The following GRAMD2B variants were observed in gnomAD, a reference collection of about 807,000 sequenced individuals.
GRAMD2B encodes the protein GRAM domain-containing protein 2B.
GRAMD2B carries 41 observed loss-of-function variants against 59.2 expected under a neutral mutation model. The observed-to-expected ratio is 0.69, with a 90% CI of 0.54 to 0.90. GRAMD2B has a LOEUF of 0.90. Among genes scored for constraint, GRAMD2B ranks in the 40% least tolerant of loss-of-function variants. GRAMD2B has a pLI of 0.00. For missense variants in GRAMD2B, 424 were observed against 500.5 expected (o/e 0.85, Z 1.46); for synonymous variants, 161 against 182.7 (o/e 0.88, Z 0.96).
At chr5:126,430,464 G>A (rs1663115027) in intron 1 of GRAMD2B, among the ~76,000 whole-genome samples, 1 of 152,028 alleles carries the variant, frequency 6.6e-6, no homozygotes, top group African/African-American at 2.4e-5. Context: ...CCCAGTTTAA[G>A]AACATTTTCA....
rs760570245 is a variant in GRAMD2B, at chr5:126,477,832, C to A, written c.582+45C>A. On this transcript the variant is annotated intron_variant, in intron 6 of 13. Transcript: ENST00000285689. ...AGGGCATCTTTGCTTTGTCCTCCTG[C>A]TCTGGGCTCTGCTGCCTAAGGGGTC... 9.8e-6 allele frequency: 11 copies of A among 1,127,314 alleles called. No homozygotes were observed. The South Asian group carries it at 1.1e-4, about 11-fold the overall frequency. The allele number at this position is 1,127,314 out of a possible 1,614,324, so 69.8% of individuals were successfully genotyped here.
intron 1 of GRAMD2B, among the ~76,000 whole-genome samples, chr5:126,454,580 T>G (rs1386598818): frequency 6.6e-6 from 1 of 152,210 alleles, no homozygotes; most frequent in African/African-American, 2.4e-5. Flanking sequence ...GACATAATAT[T>G]TTAGGAAAAC....
At chr5:126,459,025 T>G (rs1016539484) in intron 1 of GRAMD2B, 1 of 152,220 alleles carries the variant, frequency 6.6e-6, no homozygotes, top group Non-Finnish European at 1.5e-5. Flanking sequence ...TTCCCTCCAT[T>G]ATTGTAGCAG....
chr5:126,464,508 C>G (rs1767947010), intron 1 of GRAMD2B, among the ~76,000 whole-genome samples: 1 of 152,208 alleles, frequency 6.6e-6, no homozygotes, highest in South Asian at 2.1e-4. Flanking sequence ...AGGGAACTCA[C>G]CTCTGCATCC....
chr5:126,460,063 T>A (rs1277763725), intron 1 of GRAMD2B, among the ~76,000 whole-genome samples: 1 of 152,208 alleles, frequency 6.6e-6, no homozygotes, highest in Non-Finnish European at 1.5e-5. Flanking sequence ...CCTTACGATG[T>A]AACTTTATGC....
intron 1 of GRAMD2B, among the ~76,000 whole-genome samples, chr5:126,443,309 G>C (rs189960218): frequency 9.8e-5 from 15 of 152,300 alleles, no homozygotes; most frequent in African/African-American, 3.6e-4. Flanking sequence ...CTAGTTTATG[G>C]AATTCACAGA....
chr5:126,472,096 C>T, intron 3 of GRAMD2B, 142 bp from the exon 4 acceptor site: 1 of 626,482 alleles, frequency 1.6e-6, no homozygotes, highest in South Asian at 2.0e-5. Context: ...TTACTGAAGG[C>T]TTGTGTCAGA....
At position 126,488,897 on chromosome 5, in the gene GRAMD2B, CCT is replaced by C. The variant is rs747359144; in HGVS notation, c.1257+6_1257+7del. On this transcript the variant is annotated splice_donor_region_variant and intron_variant, in intron 13 of 13. Coordinates refer to ENST00000285689, the MANE Select transcript of GRAMD2B (RefSeq NM_023927.4). The stretch of plus-strand genomic sequence containing the variant: ...AACATAGTGAAATTAGAAAAGGTGA[CCT>C]ATTTCTTTCCTGTGTATGGGGGCAG... The C allele has an allele frequency of 6.2e-7, 1 of 1,608,036 alleles. No homozygotes were observed. Among genetic ancestry groups the C allele is most frequent in the South Asian group, 1.1e-5 (1 of 90,924 alleles).
chr5:126,388,108 C>A (rs60131589), intron 1 of GRAMD2B, among the ~76,000 whole-genome samples: 2 of 152,144 alleles, frequency 1.3e-5, no homozygotes, highest in African/African-American at 4.8e-5. Context: ...CACAGTGGCT[C>A]ACACCTATAA....
At chr5:126,431,932 T>C (rs980849806) in intron 1 of GRAMD2B, among the ~76,000 whole-genome samples, 9 of 152,116 alleles carry the variant, frequency 5.9e-5, no homozygotes, top group African/African-American at 1.9e-4. Flanking sequence ...ATTTTTGTTT[T>C]GTTTTGTTTT....
At chr5:126,440,827 A>AT in intron 1 of GRAMD2B, among the ~76,000 whole-genome samples, 1 of 152,214 alleles carries the variant, frequency 6.6e-6, no homozygotes, top group Admixed American at 6.5e-5. Context: ...ACACATTAAC[A>AT]CAATGGTATA....
At chr5:126,452,007 C>G (rs977232751) in intron 1 of GRAMD2B, among the ~76,000 whole-genome samples, 40 of 152,162 alleles carry the variant, frequency 2.6e-4, no homozygotes, top group African/African-American at 8.4e-4. Context: ...TGACCAGAAG[C>G]AGATGCCGGC....
intron 1 of GRAMD2B, among the ~76,000 whole-genome samples, chr5:126,437,032 G>T (rs1762524584): frequency 6.6e-6 from 1 of 152,244 alleles, no homozygotes; most frequent in Non-Finnish European, 1.5e-5. Context: ...GATGGAGGAA[G>T]GTCCCAGAGG....
chr5:126,445,024 A>G (rs1763954056), intron 1 of GRAMD2B, among the ~76,000 whole-genome samples: 1 of 152,172 alleles, frequency 6.6e-6, no homozygotes, highest in Non-Finnish European at 1.5e-5. Context: ...AAAGGACATG[A>G]TCTCAGTCTT....
At chr5:126,379,440 CA>C (rs749192743) in intron 1 of GRAMD2B, among the ~76,000 whole-genome samples, 3 of 152,206 alleles carry the variant, frequency 2.0e-5, no homozygotes, top group Non-Finnish European at 4.4e-5. Flanking sequence ...ACTGCTGGAT[CA>C]AATGGTAGAT....
intron 1 of GRAMD2B, among the ~76,000 whole-genome samples, chr5:126,443,587 C>A (rs1300300641): frequency 6.6e-6 from 1 of 152,226 alleles, no homozygotes; most frequent in East Asian, 1.9e-4. Flanking sequence ...TTTGCCCAGT[C>A]ACCTTCTGCT....
intron 1 of GRAMD2B, among the ~76,000 whole-genome samples, chr5:126,416,291 T>C (rs1759259060): frequency 6.6e-6 from 1 of 152,138 alleles, no homozygotes; most frequent in Non-Finnish European, 1.5e-5. Context: ...TCCTTTTTGT[T>C]ATGAGGAGGA....
In GRAMD2B at chr5:126,385,822, G is replaced by A. The variant is rs553601633; in HGVS notation, c.125+14255G>A. Among the ~76,000 whole-genome samples the A allele has an allele frequency of 3.9e-5, 6 of 152,282 alleles. No individual in the cohort carries two copies. The South Asian group carries it at 6.2e-4, about 16-fold the overall frequency. On this transcript the variant is annotated intron_variant, in intron 1 of 8. Transcript: ENST00000506445. The stretch of plus-strand genomic sequence containing the variant: ...GGGGTGCAACCCAGTCCATGGAGTC[G>A]TAAAGCAGCAGTCCCTGAGGAAATG...
Position 126,465,544 on chromosome 5 carries a change from TG to T in GRAMD2B, c.203+1del. 6.2e-7 allele frequency: 1 copy of T among 1,613,246 alleles called. No individual in the cohort carries two copies. The highest frequency in any genetic ancestry group is 8.5e-7 in the Non-Finnish European group (1 of 1,179,698). On this transcript the variant is annotated frameshift_variant and splice_region_variant, in exon 2 of 14. Transcript: ENST00000285689. LOFTEE classifies it high-confidence loss of function. ...SPDQKKIISL[W>X]SKSSFDGASL... ...AGACCAGAAGAAAATCATTAGCCTA[TG>T]GTAAGTCCTCCGTTGACTCTCTTTG...
Sources: gnomAD v4.1 joint callset for allele counts (sites outside exome capture counted in the v4.1 genomes callset) on GRCh38, gnomAD v4.1.1 for gene constraint, MANE v1.5 for transcripts, NCBI Gene and HGNC (gene_info 2026-07-23, HGNC 2026-07-21) for gene names.